NALF1: variants seen among roughly 807,000 people sequenced by gnomAD.
NALF1 encodes NALCN channel auxiliary factor 1, also known as family with sequence similarity 155 member A.
A neutral mutation model predicts 48.4 loss-of-function variants in NALF1; 3 were observed. That is an observed-to-expected ratio of 0.06 (90% CI 0.03 to 0.16). NALF1 has a LOEUF of 0.16. NALF1 is among the 10% of genes least tolerant of loss of function. The pLI, the probability that NALF1 is intolerant of heterozygous loss-of-function variation, is 1.00. For synonymous variants in NALF1, 262 were observed against 245.7 expected (o/e 1.07, Z -0.62); for missense variants, 526 against 571.5 (o/e 0.92, Z 0.81).
intron 1 of NALF1, among the ~76,000 whole-genome samples, chr13:107,578,736 T>C (rs1378466934): frequency 6.6e-6 from 1 of 152,204 alleles, no homozygotes; most frequent in Admixed American, 6.5e-5. Flanking sequence ...TAATAAATAC[T>C]GCTAATCTTC....
chr13:107,397,023 G>A (rs1414981328), intron 1 of NALF1, among the ~76,000 whole-genome samples: 14 of 152,190 alleles, frequency 9.2e-5, no homozygotes, highest in Admixed American at 8.5e-4. Flanking sequence ...CATATTTGGA[G>A]GATAGAGCAC....
intron 1 of NALF1, among the ~76,000 whole-genome samples, chr13:107,712,077 T>TA (rs1231802920): frequency 0.016 from 2,276 of 144,194 alleles, 48 homozygotes; most frequent in African/African-American, 0.043. Context: ...CCTTCCACAC[T>TA]AAAAAAAAAA....
intron 1 of NALF1, among the ~76,000 whole-genome samples, chr13:107,423,101 G>A (rs1471430410): frequency 2.0e-5 from 3 of 152,216 alleles, no homozygotes; most frequent in African/African-American, 7.2e-5. Context: ...GCAGCCATGA[G>A]AACCTAATGC....
chr13:107,218,584 C>T (rs1450769626), intron 1 of NALF1, among the ~76,000 whole-genome samples: 1 of 151,820 alleles, frequency 6.6e-6, no homozygotes, highest in African/African-American at 2.4e-5. Context: ...ATGACCAACC[C>T]AGTGGCCGTT....
In NALF1 at chr13:107,661,365, T is replaced by C. The variant is rs1045261722; in HGVS notation, c.915+204317A>G. ...AATTTAATCTATAAAGCATATGCCT[T>C]ATTGTTAGCTTGGGAAAGCACTTAC... On this transcript the variant is annotated intron_variant, in intron 1 of 2. Coordinates refer to ENST00000375915, the MANE Select transcript of NALF1 (RefSeq NM_001080396.3). Among the ~76,000 whole-genome samples the C allele has an allele frequency of 3.3e-5, 5 of 152,340 alleles. 1 individual carries two copies. Among genetic ancestry groups the C allele is most frequent in the African/African-American group, 2.4e-5 (1 of 41,590 alleles).
chr13:107,750,264 G>A (rs943005355), intron 1 of NALF1, among the ~76,000 whole-genome samples: 1 of 152,050 alleles, frequency 6.6e-6, no homozygotes, highest in Non-Finnish European at 1.5e-5. Flanking sequence ...ACAGGGCATC[G>A]TCCCTGACTC....
intron 1 of NALF1, among the ~76,000 whole-genome samples, chr13:107,274,280 T>A (rs1030420795): frequency 2.6e-5 from 4 of 152,098 alleles, no homozygotes; most frequent in African/African-American, 9.7e-5. Context: ...CAGGATAAGA[T>A]CATCTTGCAA....
intron 1 of NALF1, among the ~76,000 whole-genome samples, chr13:107,722,574 G>A (rs1314179357): frequency 6.6e-6 from 1 of 152,008 alleles, no homozygotes; most frequent in Admixed American, 6.6e-5. Flanking sequence ...CCTCCCTAGC[G>A]GGCCCCTAGC....
intron 1 of NALF1, among the ~76,000 whole-genome samples, chr13:107,741,792 G>T (rs1876644183): frequency 6.6e-6 from 1 of 152,142 alleles, no homozygotes; most frequent in Admixed American, 6.5e-5. Context: ...CTGAAGGAGA[G>T]AACTTAAAGC....
intron 1 of NALF1, among the ~76,000 whole-genome samples, chr13:107,757,808 A>G (rs907122600): frequency 2.0e-5 from 3 of 152,190 alleles, no homozygotes; most frequent in African/African-American, 7.2e-5. Flanking sequence ...ACTAATTTGA[A>G]GTTTATTCAG....
chr13:107,777,665 C>T (rs1289215826), intron 1 of NALF1, among the ~76,000 whole-genome samples: 2 of 152,194 alleles, frequency 1.3e-5, no homozygotes, highest in African/African-American at 2.4e-5. Flanking sequence ...AGCTATGCTT[C>T]CTCTACACCC....
rs79569764 is a variant in NALF1, at chr13:107,612,675, C to T, written c.915+253007G>A. Among the ~76,000 whole-genome samples, 195 of 152,166 alleles carry T rather than the reference C, an allele frequency of 1.3e-3. 1 individual carries two copies. The highest frequency in any genetic ancestry group is 3.9e-3 in the African/African-American group (161 of 41,516). On this transcript the variant is annotated intron_variant, in intron 1 of 2. Coordinates refer to ENST00000375915, the MANE Select transcript of NALF1 (RefSeq NM_001080396.3). Reference sequence around the variant, plus strand: ...CTCCTTCCTGACTTTTAAACACAGGCGGGTATACTGGCACTTCATGGACTT... The same window carrying T: ...CTCCTTCCTGACTTTTAAACACAGGTGGGTATACTGGCACTTCATGGACTT...
intron 1 of NALF1, among the ~76,000 whole-genome samples, chr13:107,624,134 T>G (rs115053768): frequency 8.3e-4 from 127 of 152,322 alleles, no homozygotes; most frequent in African/African-American, 2.9e-3. Context: ...ATCCTCATTT[T>G]ACAAACAAGA....
At chr13:107,646,169 C>T (rs981350457) in intron 1 of NALF1, among the ~76,000 whole-genome samples, 11 of 152,020 alleles carry the variant, frequency 7.2e-5, no homozygotes, top group Admixed American at 5.2e-4. Flanking sequence ...TCAGTGGGAA[C>T]GCTGGTCAAC....
At chr13:107,376,436 C>T (rs1204910465) in intron 1 of NALF1, among the ~76,000 whole-genome samples, 1 of 152,118 alleles carries the variant, frequency 6.6e-6, no homozygotes, top group Non-Finnish European at 1.5e-5. Flanking sequence ...ATGTTGCTTC[C>T]CCCTGGACTC....
At chr13:107,245,234 C>T (rs1435345164) in intron 1 of NALF1, among the ~76,000 whole-genome samples, 1 of 152,128 alleles carries the variant, frequency 6.6e-6, no homozygotes, top group Non-Finnish European at 1.5e-5. Context: ...ATGATAGCTA[C>T]TTCTATATAA....
intron 1 of NALF1, among the ~76,000 whole-genome samples, chr13:107,688,648 G>A (rs1881495080): frequency 2.0e-5 from 3 of 152,088 alleles, no homozygotes; most frequent in Admixed American, 2.0e-4. Context: ...TTTCTATATA[G>A]GAAAGATTTT....
At chr13:107,224,041 T>A (rs560645737) in intron 1 of NALF1, among the ~76,000 whole-genome samples, 1 of 152,274 alleles carries the variant, frequency 6.6e-6, no homozygotes, top group East Asian at 1.9e-4. Context: ...TTATTGATTA[T>A]CAGTTGATTA....
At chr13:107,238,407 T>TA (rs1880397026) in intron 1 of NALF1, among the ~76,000 whole-genome samples, 1 of 152,284 alleles carries the variant, frequency 6.6e-6, no homozygotes, top group East Asian at 1.9e-4. Flanking sequence ...GATGGAGTAT[T>TA]AGTCAGGCAA....
Sources: gnomAD v4.1 joint callset for allele counts (sites outside exome capture counted in the v4.1 genomes callset) on GRCh38, gnomAD v4.1.1 for gene constraint, MANE v1.5 for transcripts, NCBI Gene and HGNC (gene_info 2026-07-23, HGNC 2026-07-21) for gene names.